Variants in BICC1 observed in about 807,000 individuals in gnomAD.
BICC1 encodes the protein BicC family RNA binding protein 1, also known as protein bicaudal C homolog 1.
A neutral mutation model predicts 111.0 loss-of-function variants in BICC1; 43 were observed. The observed-to-expected ratio is 0.39, with a 90% CI of 0.30 to 0.50. The LOEUF is 0.50. BICC1 is among the 20% of genes least tolerant of loss of function. BICC1 has a pLI of 0.88. For missense variants in BICC1, 1,091 were observed against 1,203.2 expected, an observed-to-expected ratio of 0.91 and a Z score of 1.38; for synonymous variants, 467 against 434.4, an observed-to-expected ratio of 1.07 and a Z score of -0.93.
rs965297610 is a variant in BICC1, at chr10:58,801,023, A to G, written c.1992A>G (p.Gln664=). Residue 664 remains glutamine, a synonymous_variant, in exon 14 of 21, where the codon CAA becomes CAG. Transcript: ENST00000373886. The part of the protein sequence containing the change: ...CAKRQTVELL[Q]GTKNSHLHST... ...AAAGGCAGACAGTGGAACTATTGCA[A>G]GGCACGAAAAACTCACACTTACAGT... 1.2e-6 allele frequency: 2 copies of G among 1,608,590 alleles called. No individual in the cohort carries two copies. Among genetic ancestry groups the G allele is most frequent in the Non-Finnish European group, 1.7e-6 (2 of 1,178,062 alleles).
At chr10:58,680,510 C>A (rs1376201281) in intron 2 of BICC1, among the ~76,000 whole-genome samples, 2 of 152,016 alleles carry the variant, frequency 1.3e-5, no homozygotes, top group African/African-American at 4.8e-5. Flanking sequence ...AACCACTGCA[C>A]AAGGAAATAA....
At chr10:58,751,874 A>G (rs1165651685) in intron 3 of BICC1, among the ~76,000 whole-genome samples, 4 of 152,156 alleles carry the variant, frequency 2.6e-5, no homozygotes, top group Admixed American at 1.3e-4. Context: ...AATCTAATGC[A>G]TTTGGAAATT....
chr10:58,629,851 T>A lies in BICC1; in HGVS notation c.237+8950T>A, dbSNP rs148175697. On this transcript the variant is annotated intron_variant, in intron 2 of 20. Transcript: ENST00000373886. ...AAGTATGTTGCGTTAAAATTTGTTT[T>A]TTGGCCAATTCAATTCTTTAACCTT... Among the ~76,000 whole-genome samples the A allele has an allele frequency of 6.4e-3, 970 of 152,346 alleles. 9 individuals carry two copies. Among genetic ancestry groups the A allele is most frequent in the African/African-American group, 0.022 (927 of 41,580 alleles).
chr10:58,565,093 A>C (rs1219778892), intron 1 of BICC1, among the ~76,000 whole-genome samples: 1 of 150,850 alleles, frequency 6.6e-6, no homozygotes, highest in Non-Finnish European at 1.5e-5. Context: ...GGTATCGTGA[A>C]TATTCTGACC....
intron 3 of BICC1, among the ~76,000 whole-genome samples, chr10:58,732,878 C>A (rs1240032412): frequency 6.6e-6 from 1 of 151,952 alleles, no homozygotes; most frequent in Non-Finnish European, 1.5e-5. Flanking sequence ...ATCACCATAA[C>A]AAATATAATA....
At chr10:58,636,663 A>G (rs1837962938) in intron 2 of BICC1, among the ~76,000 whole-genome samples, 1 of 152,136 alleles carries the variant, frequency 6.6e-6, no homozygotes, top group Non-Finnish European at 1.5e-5. Context: ...AAGTGAATGT[A>G]ACAAATAAGA....
intron 2 of BICC1, among the ~76,000 whole-genome samples, chr10:58,662,293 G>A (rs537445384): frequency 1.1e-4 from 16 of 152,210 alleles, no homozygotes; most frequent in Admixed American, 3.9e-4. Flanking sequence ...TTATAATTTC[G>A]TTTCTAAAAT....
At chr10:58,628,776 C>A in intron 2 of BICC1, among the ~76,000 whole-genome samples, 1 of 152,248 alleles carries the variant, frequency 6.6e-6, no homozygotes, top group East Asian at 1.9e-4. Context: ...TGGTCACTGA[C>A]ATGAAGAATC....
chr10:58,744,347 C>G (rs890593911), intron 3 of BICC1, among the ~76,000 whole-genome samples: 2 of 151,892 alleles, frequency 1.3e-5, no homozygotes, highest in Non-Finnish European at 2.9e-5. Context: ...ATATATCTTT[C>G]CCCACTCAAT....
intron 3 of BICC1, among the ~76,000 whole-genome samples, chr10:58,707,556 G>C (rs1047596957): frequency 6.6e-6 from 1 of 152,050 alleles, no homozygotes; most frequent in African/African-American, 2.4e-5. Flanking sequence ...TTGAGACAGA[G>C]TCTCACTCTG....
Position 58,822,481 on chromosome 10 carries a change from T to A in BICC1, c.2794+2013T>A, listed in dbSNP as rs559883401. On this transcript the variant is annotated intron_variant, in intron 20 of 20. Transcript: ENST00000373886. Reference sequence around the variant, plus strand: ...TTTAAAAAAATAATATTTTTTCTAATCATCTTCTTTGTCATTCTGTTGAGG... The same window carrying A: ...TTTAAAAAAATAATATTTTTTCTAAACATCTTCTTTGTCATTCTGTTGAGG... Among the ~76,000 whole-genome samples, 5 of 152,278 alleles carry A rather than the reference T, an allele frequency of 3.3e-5. No individual in the cohort carries two copies. In the South Asian group the frequency reaches 1.0e-3, roughly 32 times the overall value.
At chr10:58,656,887 C>G (rs1319097644) in intron 2 of BICC1, among the ~76,000 whole-genome samples, 1 of 152,144 alleles carries the variant, frequency 6.6e-6, no homozygotes, top group Non-Finnish European at 1.5e-5. Flanking sequence ...TTAATTTTAT[C>G]TCGGCATAAC....
intron 1 of BICC1, among the ~76,000 whole-genome samples, chr10:58,588,771 C>T (rs950803758): frequency 6.6e-6 from 1 of 152,160 alleles, no homozygotes; most frequent in African/African-American, 2.4e-5. Context: ...CATCCAATAT[C>T]GAGTGCCAGG....
intron 1 of BICC1, among the ~76,000 whole-genome samples, chr10:58,555,919 C>T (rs1350643698): frequency 1.3e-5 from 2 of 152,138 alleles, no homozygotes. Context: ...CCCGAACTGT[C>T]ATTCCCAGTT....
At chr10:58,735,850 A>C (rs897679507) in intron 3 of BICC1, among the ~76,000 whole-genome samples, 1 of 152,220 alleles carries the variant, frequency 6.6e-6, no homozygotes, top group Non-Finnish European at 1.5e-5. Flanking sequence ...TGGACTTTCC[A>C]TAGGTACCTC....
At chr10:58,684,771 A>G (rs1404658870) in intron 2 of BICC1, among the ~76,000 whole-genome samples, 4 of 151,122 alleles carry the variant, frequency 2.6e-5, no homozygotes, top group Non-Finnish European at 4.4e-5. Context: ...TCTCTTCTTT[A>G]TTAGTCTTGC....
chr10:58,550,499 C>T (rs575067313), intron 1 of BICC1, among the ~76,000 whole-genome samples: 7 of 152,272 alleles, frequency 4.6e-5, no homozygotes, highest in African/African-American at 1.7e-4. Context: ...TATCTAAAAA[C>T]TCATCACTAA....
At chr10:58,525,871 A>G (rs925071461) in intron 1 of BICC1, among the ~76,000 whole-genome samples, 2 of 151,366 alleles carry the variant, frequency 1.3e-5, no homozygotes, top group Non-Finnish European at 2.9e-5. Flanking sequence ...ATTTTAATCT[A>G]TTAAATGTTT....
intron 17 of BICC1, among the ~76,000 whole-genome samples, chr10:58,808,230 A>C (rs1479594079): frequency 6.6e-6 from 1 of 152,174 alleles, no homozygotes; most frequent in Non-Finnish European, 1.5e-5. Context: ...GAATGTAGGA[A>C]CCATTATGAA....
Sources: allele counts gnomAD v4.1 joint callset (sites outside exome capture counted in the v4.1 genomes callset), GRCh38; gene constraint gnomAD v4.1.1; transcripts MANE v1.5; gene names NCBI Gene and HGNC (gene_info 2026-07-23, HGNC 2026-07-21).